Variants in CACNA1B observed in about 807,000 individuals in gnomAD.
CACNA1B encodes voltage-dependent N-type calcium channel subunit alpha-1B.
CACNA1B carries 70 observed loss-of-function variants against 247.2 expected under a neutral mutation model. The observed-to-expected ratio is 0.28, with a 90% CI of 0.23 to 0.35. CACNA1B has a LOEUF of 0.35. Ranked by LOEUF, CACNA1B falls within the 10% of genes least tolerant of loss-of-function variation. The probability of loss-of-function intolerance (pLI) is 1.00; values close to 1 mark genes in which losing one functional copy is unlikely to be tolerated. For synonymous variants in CACNA1B, 1,231 were observed against 1,294.4 expected, an observed-to-expected ratio of 0.95 and a Z score of 1.05; for missense variants, 2,367 against 3,197.4, an observed-to-expected ratio of 0.74 and a Z score of 6.26.
In CACNA1B at chr9:137,917,512, G is replaced by T; in HGVS notation, c.966+81G>T. 7.8e-7 allele frequency: 1 copy of T among 1,279,812 alleles called. No homozygotes were observed. The highest frequency in any genetic ancestry group is 2.0e-5 in the Admixed American group (1 of 50,784). The allele number at this position is 1,279,812 out of a possible 1,614,324, so 79.3% of individuals were successfully genotyped here. On this transcript the variant is annotated intron_variant, in intron 6 of 46. Coordinates refer to ENST00000371372, the MANE Select transcript of CACNA1B (RefSeq NM_000718.4). The surrounding 1 kb of genome is among the most constrained non-coding windows in gnomAD (Gnocchi z 5.5). ...TGCCTCTGGGGGTCCATTTAGGGGG[G>T]CCCTTCTGACCTCAGAGCCTCTGCC... is the stretch of plus-strand genomic sequence containing the variant.
intron 36 of CACNA1B, among the ~76,000 whole-genome samples, chr9:138,090,495 C>G (rs958702033): frequency 1.3e-5 from 2 of 151,574 alleles, no homozygotes; most frequent in South Asian, 4.2e-4. Flanking sequence ...TTGGTCTGGG[C>G]AAAAATTGTA....
rs757451447 is a variant in CACNA1B, at chr9:137,971,522, G to A, written c.1473G>A (p.Val491=). The change falls in exon 11 of 47, where the codon GTG becomes GTA. Residue 491 remains valine (V), a synonymous_variant. Coordinates refer to ENST00000371372, the MANE Select transcript of CACNA1B (RefSeq NM_000718.4). The surrounding 1 kb of genome is among the most constrained non-coding windows in gnomAD (Gnocchi z 4.4). ...AQSFYWVVLC[V]VALNTLCVAM... ...GCTTCTACTGGGTGGTGCTGTGCGTGGTGGCCCTGAACACACTGTGTGTGG... is the reference window on the plus strand; with the variant it reads ...GCTTCTACTGGGTGGTGCTGTGCGTAGTGGCCCTGAACACACTGTGTGTGG... The A allele has an allele frequency of 6.2e-7, 1 of 1,613,680 alleles. No homozygotes were observed. Among genetic ancestry groups the A allele is most frequent in the African/African-American group, 1.3e-5 (1 of 74,914 alleles).
intron 20 of CACNA1B, among the ~76,000 whole-genome samples, chr9:138,040,915 CT>C: frequency 6.6e-6 from 1 of 152,300 alleles, no homozygotes; most frequent in South Asian, 2.1e-4. Flanking sequence ...GTTTTGTGAG[CT>C]AATTAAGCCC....
At chr9:138,112,886 G>A (rs747226857) in intron 40 of CACNA1B, among the ~76,000 whole-genome samples, 17 of 151,044 alleles carry the variant, frequency 1.1e-4, no homozygotes, top group Admixed American at 3.3e-4. Context: ...GGAGCGTGGG[G>A]AGGTGCCCAA....
At chr9:137,937,446 C>T (rs911286956) in intron 6 of CACNA1B, among the ~76,000 whole-genome samples, 27 of 151,958 alleles carry the variant, frequency 1.8e-4, no homozygotes, top group Admixed American at 1.4e-3. Flanking sequence ...TTATGTTAAA[C>T]GACCAAACCT....
At chr9:138,077,665 G>A (rs781044611) in intron 35 of CACNA1B, among the ~76,000 whole-genome samples, 7 of 152,214 alleles carry the variant, frequency 4.6e-5, no homozygotes, top group Admixed American at 2.0e-4. Context: ...GAGGAGTGGT[G>A]AGAGCCTGGC....
intron 3 of CACNA1B, chr9:137,892,030 C>A (rs1359764500): frequency 2.2e-6 from 1 of 457,230 alleles, no homozygotes; most frequent in South Asian, 1.5e-5. Flanking sequence ...CAGTGTGCGG[C>A]CTCTGTGTCT....
At chr9:138,087,788 CATGTCATG>C (rs1043378088) in intron 36 of CACNA1B, among the ~76,000 whole-genome samples, 9 of 143,288 alleles carry the variant, frequency 6.3e-5, no homozygotes, top group African/African-American at 2.1e-4. Context: ...AATAGAAACA[CATGTCATG>C]ATAACTTGAA....
intron 36 of CACNA1B, among the ~76,000 whole-genome samples, chr9:138,082,271 T>G (rs1960545076): frequency 6.6e-6 from 1 of 151,446 alleles, no homozygotes; most frequent in South Asian, 2.1e-4. Context: ...TCAGAATTGT[T>G]GAAAGAAAAT....
chr9:137,918,862 G>C (rs1040895881), intron 6 of CACNA1B, among the ~76,000 whole-genome samples: 2 of 152,228 alleles, frequency 1.3e-5, no homozygotes, highest in African/African-American at 4.8e-5. Context: ...AGTGGGAGTC[G>C]TGTCTGATGA....
In CACNA1B at chr9:138,005,687, A is replaced by G. The variant is rs1390108024; in HGVS notation, c.1975-1080A>G. ...ACCCTATTTGATCATTGCGCATTGT[A>G]TGCATGTATCAAAATACCACAAGTA... is the stretch of plus-strand genomic sequence containing the variant. On this transcript the variant is annotated intron_variant, in intron 15 of 46. Coordinates refer to ENST00000371372, the MANE Select transcript of CACNA1B (RefSeq NM_000718.4). Among the ~76,000 whole-genome samples, 6 of 152,196 alleles carry G rather than the reference A, an allele frequency of 3.9e-5. No homozygotes were observed. The East Asian group carries it at 1.2e-3, about 29-fold the overall frequency.
intron 3 of CACNA1B, among the ~76,000 whole-genome samples, chr9:137,896,385 A>G (rs1395322084): frequency 6.6e-6 from 1 of 151,916 alleles, no homozygotes; most frequent in Non-Finnish European, 1.5e-5. Flanking sequence ...TTGCATTGGT[A>G]TGATCATGTG....
At position 138,052,026 on chromosome 9, in the gene CACNA1B, G is replaced by T; in HGVS notation, c.3711-66G>T. ...GGGGAGCAGGACTCAGACCCTGGGG[G>T]GCCACGTGGGAGCTGGGCACACCCA... On this transcript the variant is annotated intron_variant, in intron 24 of 46. Coordinates refer to ENST00000371372, the MANE Select transcript of CACNA1B (RefSeq NM_000718.4). The surrounding 1 kb of genome is among the most constrained non-coding windows in gnomAD (Gnocchi z 5.1). The T allele has an allele frequency of 1.1e-6, 1 of 890,912 alleles. No individual in the cohort carries two copies. Among genetic ancestry groups the T allele is most frequent in the Admixed American group, 1.9e-5 (1 of 51,682 alleles). The allele number at this position is 890,912 out of a possible 1,614,324, so 55.2% of individuals were successfully genotyped here. A position where few individuals can be genotyped will look rare whatever the true frequency, so the allele number is the denominator to read the frequency against.
intron 36 of CACNA1B, among the ~76,000 whole-genome samples, chr9:138,079,240 T>G (rs957323814): frequency 6.6e-6 from 1 of 151,948 alleles, no homozygotes; most frequent in African/African-American, 2.4e-5. Flanking sequence ...TGTTGAACTT[T>G]GGTGAGCACT....
chr9:137,986,352 A>T lies in CACNA1B; in HGVS notation c.1770-61A>T. ...AGTGGAGCCTTAAGTGTGGCTGCAG[A>T]GAGCCATGAATGTGAAGTCAGCGTC... On this transcript the variant is annotated intron_variant, in intron 13 of 46. Transcript: ENST00000371372. This position sits in a 1 kb window ranked among gnomAD's most constrained non-coding sequence, Gnocchi z 6.0. 1 of 1,589,092 alleles carries T rather than the reference A, an allele frequency of 6.3e-7. No homozygotes were observed. Among genetic ancestry groups the T allele is most frequent in the Non-Finnish European group, 8.6e-7 (1 of 1,163,810 alleles).
intron 18 of CACNA1B, among the ~76,000 whole-genome samples, chr9:138,021,593 G>C (rs573420126): frequency 2.4e-4 from 37 of 152,260 alleles, no homozygotes; most frequent in Non-Finnish European, 4.6e-4. Context: ...TGTAGCCTGT[G>C]TTGTTAGTGC....
At chr9:137,933,798 C>A (rs1957633767) in intron 6 of CACNA1B, among the ~76,000 whole-genome samples, 2 of 152,008 alleles carry the variant, frequency 1.3e-5, no homozygotes, top group Admixed American at 1.3e-4. Context: ...CCACTAATTG[C>A]TGGAGGGGTA....
chr9:137,965,961 A>G (rs1426251721), intron 10 of CACNA1B, among the ~76,000 whole-genome samples: 1 of 152,236 alleles, frequency 6.6e-6, no homozygotes, highest in Non-Finnish European at 1.5e-5. Flanking sequence ...AGTTTGGGCA[A>G]TATAAAGTTT....
rs767990672 is a variant in CACNA1B at position 138,120,688 on chromosome 9, G to A, written c.6296G>A (p.Arg2099Gln). Residue 2099 changes from arginine (R) to glutamine (Q), a missense_variant, in exon 46 of 47, where the codon CGG (arginine) becomes CAG (glutamine). Physicochemically the swap from Arg to Gln is conservative, Grantham distance 43 (BLOSUM62 1). Transcript: ENST00000371372. ...LPPGEGPTGC[R>Q]RERERRQERG... The stretch of plus-strand genomic sequence containing the variant: ...CCGGGAGAGGGGCCTACAGGCTGCC[G>A]GCGGGAACGAGAGCGCCGGCAGGAG... 26 of 1,516,212 alleles carry A rather than the reference G, an allele frequency of 1.7e-5. No individual in the cohort carries two copies. The highest frequency in any genetic ancestry group is 2.6e-5 in the Admixed American group (1 of 39,152). The allele number at this position is 1,516,212 out of a possible 1,614,324, so 93.9% of individuals were successfully genotyped here.
Sources: gnomAD v4.1 joint callset for allele counts (sites outside exome capture counted in the v4.1 genomes callset) on GRCh38, gnomAD v4.1.1 for gene constraint, Gnocchi (gnomAD v3.1) non-coding constraint, MANE v1.5 for transcripts, NCBI Gene and HGNC (gene_info 2026-07-23, HGNC 2026-07-21) for gene names.